Variants in DNAH9 observed in about 807,000 individuals in gnomAD.
DNAH9 encodes DNAH9 variant protein.
DNAH9 carries 345 observed loss-of-function variants against 471.6 expected under a neutral mutation model. That is an observed-to-expected ratio of 0.73 (90% confidence interval 0.67 to 0.80). The LOEUF is 0.80. Ranked by LOEUF, DNAH9 falls within the 30% of genes least tolerant of loss-of-function variation. The probability of loss-of-function intolerance (pLI) is 0.00; values close to 1 mark genes in which losing one functional copy is unlikely to be tolerated. For synonymous variants in DNAH9, 2,093 were observed against 2,123.6 expected (o/e 0.99, Z 0.40); for missense variants, 5,407 against 5,609.2 (o/e 0.96, Z 1.15).
chr17:11,627,048 A>G (rs989959565), intron 6 of DNAH9, among the ~76,000 whole-genome samples: 1 of 152,190 alleles, frequency 6.6e-6, no homozygotes, highest in Non-Finnish European at 1.5e-5. Context: ...AGCGCTCTGA[A>G]TAAGCAGAAG....
At chr17:11,658,539 A>G (rs537902882) in intron 14 of DNAH9, among the ~76,000 whole-genome samples, 49 of 151,940 alleles carry the variant, frequency 3.2e-4, no homozygotes, top group African/African-American at 9.2e-4. Flanking sequence ...AACCTTCAGT[A>G]TAACGTTGAA....
intron 51 of DNAH9, among the ~76,000 whole-genome samples, chr17:11,870,776 C>T (rs1275863581): frequency 2.6e-5 from 4 of 152,108 alleles, no homozygotes; most frequent in Non-Finnish European, 5.9e-5. Context: ...GGCAGTGTAG[C>T]ACTCTGCTCT....
At chr17:11,705,320 C>T in intron 26 of DNAH9, 135 bp downstream of exon 26, 1 of 719,582 alleles carries the variant, frequency 1.4e-6, no homozygotes, top group Non-Finnish European at 2.3e-6. Flanking sequence ...CTCAACACAG[C>T]CTGTTTAAAG....
chr17:11,605,385 C>T (rs974429092), intron 1 of DNAH9, among the ~76,000 whole-genome samples: 5 of 152,074 alleles, frequency 3.3e-5, no homozygotes, highest in African/African-American at 7.2e-5. Flanking sequence ...GTTTTGTTCA[C>T]GGGTGTATCC....
chr17:11,953,353 T>TATGACATCA (rs1975474155), intron 67 of DNAH9, among the ~76,000 whole-genome samples: 1 of 152,194 alleles, frequency 6.6e-6, no homozygotes, highest in Admixed American at 6.5e-5. Context: ...GGCATCAACC[T>TATGACATCA]ATGACATCAG....
chr17:11,906,158 G>A (rs1275615704), intron 61 of DNAH9, among the ~76,000 whole-genome samples: 2 of 152,070 alleles, frequency 1.3e-5, no homozygotes, highest in African/African-American at 4.8e-5. Context: ...AAGACCTAGA[G>A]GGAGAAATAC....
At position 11,601,733 on chromosome 17, in the gene DNAH9, C is replaced by G. The variant is rs898473447; in HGVS notation, c.417+2818C>G. On this transcript the variant is annotated intron_variant, in intron 1 of 68. Coordinates refer to ENST00000262442, the MANE Select transcript of DNAH9 (RefSeq NM_001372.4). Reference sequence around the variant, plus strand: ...CTGGCCCAGCCCTCCTGTCCACCCCCTCTCCTCTCTCTCAGCACCTTGTAA... The same window carrying G: ...CTGGCCCAGCCCTCCTGTCCACCCCGTCTCCTCTCTCTCAGCACCTTGTAA... 2.9e-4 allele frequency among the ~76,000 whole-genome samples: 44 copies of G among 152,114 alleles called. 1 individual carries two copies. The highest frequency in any genetic ancestry group is 1.1e-3 in the African/African-American group (44 of 41,416).
At chr17:11,909,936 C>T (rs1973737479) in intron 61 of DNAH9, among the ~76,000 whole-genome samples, 3 of 152,284 alleles carry the variant, frequency 2.0e-5, no homozygotes, top group South Asian at 4.1e-4. Flanking sequence ...CCTAGTCAGC[C>T]ATCATTTACT....
Position 11,644,610 on chromosome 17 carries a change from TTTTCTC to T in DNAH9, c.1902-17_1902-12del. 1 of 1,580,658 alleles carries T rather than the reference TTTTCTC, an allele frequency of 6.3e-7. No individual in the cohort carries two copies. Among genetic ancestry groups the T allele is most frequent in the Non-Finnish European group, 8.7e-7 (1 of 1,150,826 alleles). ...TAACTTCTTCTAATTCTGTGTCACTTTTTCTCTTTTGTACGAGTAGTTGCATGGAAT... is the reference window on the plus strand; with the variant it reads ...TAACTTCTTCTAATTCTGTGTCACTTTTTTGTACGAGTAGTTGCATGGAAT... On this transcript the variant is annotated splice_polypyrimidine_tract_variant and intron_variant, in intron 10 of 68. Coordinates refer to ENST00000262442, the MANE Select transcript of DNAH9 (RefSeq NM_001372.4).
At chr17:11,704,987 C>A in intron 25 of DNAH9, 38 bp from the exon 26 acceptor site, 1 of 1,595,804 alleles carries the variant, frequency 6.3e-7, no homozygotes, top group South Asian at 1.1e-5. Context: ...TACCTGCTGC[C>A]TATGATTCAC....
chr17:11,609,737 ACTTT>A (rs1223840062), intron 2 of DNAH9, among the ~76,000 whole-genome samples: 1 of 152,218 alleles, frequency 6.6e-6, no homozygotes, highest in Non-Finnish European at 1.5e-5. Flanking sequence ...TAGCTAAGTT[ACTTT>A]CTTTAAAAGT....
chr17:11,820,663 G>A (rs1340093973), intron 45 of DNAH9, among the ~76,000 whole-genome samples: 1 of 151,842 alleles, frequency 6.6e-6, no homozygotes, highest in African/African-American at 2.4e-5. Flanking sequence ...TTTATTTGTA[G>A]AGAATTTCTT....
chr17:11,918,207 T>C (rs1567898919), intron 61 of DNAH9, among the ~76,000 whole-genome samples: 1 of 109,982 alleles, frequency 9.1e-6, no homozygotes, highest in African/African-American at 3.7e-5. Flanking sequence ...TGGGTGTTTT[T>C]TTGTTTTGTT....
chr17:11,768,464 C>A lies in DNAH9; in HGVS notation c.7182C>A (p.Tyr2394Ter). 6.2e-7 allele frequency: 1 copy of A among 1,613,730 alleles called. No homozygotes were observed. The highest frequency in any genetic ancestry group is 8.5e-7 in the Non-Finnish European group (1 of 1,179,676). Residue 2394 changes from tyrosine to a stop codon, truncating the protein, a stop_gained, in exon 37 of 69, where the codon TAC becomes TAA. Coordinates refer to ENST00000262442, the MANE Select transcript of DNAH9 (RefSeq NM_001372.4). LOFTEE classifies it high-confidence loss of function. ...GAMVQDQLVD[Y>*]RAEFSKWWLT... ...CTTTGTTTTTGCAGCTTGTGGACTA[C>A]CGGGCAGAGTTCAGCAAATGGTGGC...
intron 61 of DNAH9, among the ~76,000 whole-genome samples, chr17:11,918,255 A>G (rs976442229): frequency 7.1e-6 from 1 of 140,450 alleles, no homozygotes; most frequent in African/African-American, 2.7e-5. Context: ...GTTTTGAGAC[A>G]GGCTCTCACT....
At chr17:11,798,574 C>G (rs1387081002) in intron 43 of DNAH9, among the ~76,000 whole-genome samples, 2 of 151,836 alleles carry the variant, frequency 1.3e-5, no homozygotes, top group Non-Finnish European at 2.9e-5. Context: ...AATAACCAAG[C>G]CTCCAAGACA....
chr17:11,752,722 T>C, intron 32 of DNAH9, 111 bp from the exon 33 acceptor site: 1 of 752,726 alleles, frequency 1.3e-6, no homozygotes, highest in Non-Finnish European at 2.0e-6. Context: ...TGCCTTTGCA[T>C]GTTCCATGTA....
chr17:11,946,867 C>CT (rs1444760486), intron 67 of DNAH9, among the ~76,000 whole-genome samples: 1 of 152,158 alleles, frequency 6.6e-6, no homozygotes, highest in Admixed American at 6.5e-5. Flanking sequence ...AACCCAAATG[C>CT]TGTGCCCAGA....
chr17:11,628,530 C>T (rs919981488), intron 6 of DNAH9, among the ~76,000 whole-genome samples: 7 of 152,186 alleles, frequency 4.6e-5, no homozygotes, highest in African/African-American at 1.7e-4. Context: ...AACTACTCAC[C>T]GCCACCTGGC....
Sources: allele counts gnomAD v4.1 joint callset (sites outside exome capture counted in the v4.1 genomes callset), GRCh38; gene constraint gnomAD v4.1.1; transcripts MANE v1.5; gene names NCBI Gene and HGNC (gene_info 2026-07-23, HGNC 2026-07-21).